Variants in TSHZ2 observed in about 807,000 individuals in gnomAD.
TSHZ2 encodes the protein teashirt homolog 2.
A neutral mutation model predicts 74.4 loss-of-function variants in TSHZ2; 21 were observed. The observed-to-expected ratio is 0.28, with a 90% CI of 0.20 to 0.41. The LOEUF is 0.41. Ranked by LOEUF, TSHZ2 falls within the 10% of genes least tolerant of loss-of-function variation. TSHZ2 has a pLI of 1.00. For missense variants in TSHZ2, 1,244 were observed against 1,293.5 expected (o/e 0.96, Z 0.59); for synonymous variants, 540 against 515.3 (o/e 1.05, Z -0.65).
chr20:53,328,746 A>G (rs942075125), intron 2 of TSHZ2, among the ~76,000 whole-genome samples: 1 of 152,196 alleles, frequency 6.6e-6, no homozygotes, highest in Non-Finnish European at 1.5e-5. Flanking sequence ...TCTAATTTTT[A>G]TCATTAAGAT....
chr20:53,313,102 C>T (rs1303146173), intron 2 of TSHZ2, among the ~76,000 whole-genome samples: 2 of 152,230 alleles, frequency 1.3e-5, no homozygotes, highest in Non-Finnish European at 2.9e-5. Flanking sequence ...CACTTAAGCT[C>T]AGATTTAGAC....
intron 1 of TSHZ2, among the ~76,000 whole-genome samples, chr20:53,109,020 G>A (rs951725602): frequency 6.6e-6 from 1 of 151,952 alleles, no homozygotes; most frequent in Non-Finnish European, 1.5e-5. Context: ...TTCAGCTGGA[G>A]GTATTCCAAA....
chr20:53,194,730 G>A lies in TSHZ2; in HGVS notation c.41-58769G>A, dbSNP rs75309151. On this transcript the variant is annotated intron_variant, in intron 1 of 2. Coordinates refer to ENST00000371497, the MANE Select transcript of TSHZ2 (RefSeq NM_173485.6). ...CATTATTAAGGCCTGGGTAAGGCCT[G>A]GGCCAGCTCCACCCAGCCCAGGCAG... Among the ~76,000 whole-genome samples the A allele has an allele frequency of 8.7e-3, 1,318 of 152,296 alleles. 19 individuals carry two copies. The highest frequency in any genetic ancestry group is 0.03 in the African/African-American group (1,244 of 41,544).
At chr20:53,225,098 G>A (rs528513744) in intron 1 of TSHZ2, among the ~76,000 whole-genome samples, 8 of 152,194 alleles carry the variant, frequency 5.3e-5, no homozygotes, top group Non-Finnish European at 7.3e-5. Flanking sequence ...TCAGTATGGC[G>A]ATGTTCCAAT....
intron 1 of TSHZ2, among the ~76,000 whole-genome samples, chr20:52,995,698 T>G (rs1982161408): frequency 1.3e-5 from 2 of 151,314 alleles, no homozygotes; most frequent in Admixed American, 1.3e-4. Flanking sequence ...CTGCAACCTC[T>G]GCCTTTCAGG....
chr20:53,313,152 A>G (rs1190871960), intron 2 of TSHZ2, among the ~76,000 whole-genome samples: 3 of 152,248 alleles, frequency 2.0e-5, no homozygotes, highest in African/African-American at 7.2e-5. Flanking sequence ...AAACCTTCAG[A>G]CTAGCCAAGA....
intron 2 of TSHZ2, among the ~76,000 whole-genome samples, chr20:53,346,306 T>C (rs1389119642): frequency 1.3e-5 from 2 of 152,196 alleles, no homozygotes; most frequent in Non-Finnish European, 2.9e-5. Context: ...ACTGAGGAAA[T>C]TTTTTGATGG....
At chr20:53,015,260 T>C (rs1982993380) in intron 1 of TSHZ2, among the ~76,000 whole-genome samples, 1 of 152,244 alleles carries the variant, frequency 6.6e-6, no homozygotes, top group South Asian at 2.1e-4. Flanking sequence ...ATTTTCCTCA[T>C]AGCAGTTACC....
intron 2 of TSHZ2, among the ~76,000 whole-genome samples, chr20:53,311,045 G>A (rs972912543): frequency 6.6e-6 from 1 of 152,228 alleles, no homozygotes; most frequent in Non-Finnish European, 1.5e-5. Context: ...CCATTGTGCT[G>A]AGATGATCAT....
intron 2 of TSHZ2, among the ~76,000 whole-genome samples, chr20:53,436,159 A>C (rs1256405588): frequency 6.6e-6 from 1 of 152,206 alleles, no homozygotes; most frequent in Non-Finnish European, 1.5e-5. Flanking sequence ...CCACTGTTGA[A>C]GTATTTAACA....
At chr20:53,209,309 A>G (rs1316655945) in intron 1 of TSHZ2, among the ~76,000 whole-genome samples, 2 of 151,886 alleles carry the variant, frequency 1.3e-5, no homozygotes, top group Admixed American at 6.6e-5. Flanking sequence ...GCTGTCTCGA[A>G]CTCCTGACCT....
intron 1 of TSHZ2, among the ~76,000 whole-genome samples, chr20:53,211,909 C>T (rs1989316284): frequency 6.6e-6 from 1 of 152,078 alleles, no homozygotes; most frequent in Admixed American, 6.6e-5. Flanking sequence ...TCTTTGGAGT[C>T]CCTGGTGTCT....
chr20:53,076,863 C>T (rs906732288), intron 1 of TSHZ2, among the ~76,000 whole-genome samples: 8 of 152,070 alleles, frequency 5.3e-5, no homozygotes, highest in Admixed American at 2.0e-4. Flanking sequence ...TCATTTTGGA[C>T]GCAATTCAGA....
chr20:53,413,491 G>T (rs1172057912), intron 2 of TSHZ2, among the ~76,000 whole-genome samples: 1 of 152,224 alleles, frequency 6.6e-6, no homozygotes, highest in East Asian at 1.9e-4. Context: ...TGCAAGTTGT[G>T]TGATGTCGGG....
At chr20:53,392,303 G>T (rs1338674139) in intron 2 of TSHZ2, among the ~76,000 whole-genome samples, 1 of 152,098 alleles carries the variant, frequency 6.6e-6, no homozygotes, top group Non-Finnish European at 1.5e-5. Context: ...AATTACCTGG[G>T]TGTGGTGGTG....
chr20:53,202,903 A>G (rs566593680), intron 1 of TSHZ2, among the ~76,000 whole-genome samples: 1 of 152,206 alleles, frequency 6.6e-6, no homozygotes, highest in South Asian at 2.1e-4. Flanking sequence ...CAGGAGAGGG[A>G]TCAGCCACTC....
At chr20:53,208,014 T>C (rs559116483) in intron 1 of TSHZ2, among the ~76,000 whole-genome samples, 56 of 152,180 alleles carry the variant, frequency 3.7e-4, no homozygotes, top group African/African-American at 1.3e-3. Context: ...GTAGTTCTAC[T>C]AATTGCTATT....
chr20:53,189,574 A>G (rs965112484), intron 1 of TSHZ2, among the ~76,000 whole-genome samples: 1 of 152,220 alleles, frequency 6.6e-6, no homozygotes, highest in Non-Finnish European at 1.5e-5. Flanking sequence ...GCACATTATA[A>G]GCACCATATT....
intron 1 of TSHZ2, among the ~76,000 whole-genome samples, chr20:53,233,448 G>C (rs1464378285): frequency 2.0e-5 from 3 of 152,186 alleles, no homozygotes; most frequent in African/African-American, 7.2e-5. Context: ...AGACCTTTAC[G>C]CTAAAACTGG....
Sources: gnomAD v4.1 joint callset for allele counts (sites outside exome capture counted in the v4.1 genomes callset) on GRCh38, gnomAD v4.1.1 for gene constraint, MANE v1.5 for transcripts, NCBI Gene and HGNC (gene_info 2026-07-23, HGNC 2026-07-21) for gene names.